KSR2: variants seen among roughly 807,000 people sequenced by gnomAD.
KSR2 encodes kinase suppressor of ras 2.
A neutral mutation model predicts 107.8 loss-of-function variants in KSR2; 25 were observed. That is an observed-to-expected ratio of 0.23 (90% CI 0.17 to 0.32). The LOEUF is 0.32. Among genes scored for constraint, KSR2 ranks in the 10% least tolerant of loss-of-function variants. KSR2 has a pLI of 1.00. For synonymous variants in KSR2, 480 were observed against 507.0 expected (o/e 0.95, Z 0.71); for missense variants, 887 against 1,268.9 (o/e 0.70, Z 4.57).
intron 4 of KSR2, among the ~76,000 whole-genome samples, chr12:117,748,916 G>A (rs1278580755): frequency 2.6e-5 from 4 of 151,810 alleles, no homozygotes; most frequent in South Asian, 2.1e-4. Flanking sequence ...AGGGTGTTAC[G>A]GGGAATGCCT....
chr12:117,759,212 C>T (rs1055462782), intron 4 of KSR2, among the ~76,000 whole-genome samples: 4 of 152,196 alleles, frequency 2.6e-5, no homozygotes, highest in African/African-American at 9.7e-5. Flanking sequence ...CTCTACACTA[C>T]GGCTTCAGAC....
At position 117,461,625 on chromosome 12, in the gene KSR2, TAGTC is replaced by T. The variant is rs1456543084; in HGVS notation, c.*5570_*5573del. The T allele has an allele frequency of 6.8e-5, 12 of 177,484 alleles. No homozygotes were observed. Among genetic ancestry groups the T allele is most frequent in the South Asian group, 1.5e-4 (1 of 6,582 alleles). The allele number at this position is 177,484 out of a possible 1,614,324, so 11.0% of individuals were successfully genotyped here. On this transcript the variant is annotated 3_prime_UTR_variant, in exon 20 of 20. Coordinates refer to ENST00000339824, the MANE Select transcript of KSR2 (RefSeq NM_173598.6). ...GAGTCTGGGATTTGGGTTAATATCA[TAGTC>T]AGGCACTGACCAGAGAGGACAGAGG...
rs375582787 is a variant in KSR2 at position 117,908,040 on chromosome 12, G to T, written c.181-47609C>A. 6.6e-5 allele frequency among the ~76,000 whole-genome samples: 10 copies of T among 152,282 alleles called. No homozygotes were observed. In the South Asian group the frequency reaches 2.1e-3, roughly 32 times the overall value. ...ATAAGAAAAGGAAACATTTGAGGTG[G>T]TTATTTGCAAGAAGGTGATTGACAG... On this transcript the variant is annotated intron_variant, in intron 1 of 19. Coordinates refer to ENST00000339824, the MANE Select transcript of KSR2 (RefSeq NM_173598.6).
At chr12:117,494,964 A>G (rs973679300) in intron 14 of KSR2, among the ~76,000 whole-genome samples, 2 of 152,250 alleles carry the variant, frequency 1.3e-5, no homozygotes, top group African/African-American at 4.8e-5. Flanking sequence ...GGCAAAGGCC[A>G]TCTGGCTGGA....
intron 3 of KSR2, among the ~76,000 whole-genome samples, chr12:117,805,032 T>G (rs1890964770): frequency 6.6e-6 from 1 of 152,144 alleles, no homozygotes; most frequent in Non-Finnish European, 1.5e-5. Context: ...CCATCGCGGA[T>G]GGACTGAGGG....
intron 4 of KSR2, among the ~76,000 whole-genome samples, chr12:117,735,070 C>T (rs562323833): frequency 1.1e-4 from 16 of 152,266 alleles, no homozygotes; most frequent in Admixed American, 5.2e-4. Flanking sequence ...ACTGCTCCAC[C>T]GCAGCCTGGC....
At chr12:117,736,608 G>A (rs971587154) in intron 4 of KSR2, among the ~76,000 whole-genome samples, 2 of 152,068 alleles carry the variant, frequency 1.3e-5, no homozygotes, top group Non-Finnish European at 2.9e-5. Flanking sequence ...CCAAGAGTTC[G>A]AGTCCAGCCT....
chr12:117,862,320 A>G (rs1362550458), intron 1 of KSR2, among the ~76,000 whole-genome samples: 2 of 152,170 alleles, frequency 1.3e-5, no homozygotes, highest in Admixed American at 6.5e-5. Flanking sequence ...GTGGCATTTT[A>G]AAACACAGTC....
At chr12:117,901,411 T>G (rs1421762882) in intron 1 of KSR2, among the ~76,000 whole-genome samples, 2 of 151,958 alleles carry the variant, frequency 1.3e-5, no homozygotes, top group African/African-American at 2.4e-5. Context: ...CAAGCAATTC[T>G]TGTGCCTCAG....
At chr12:117,809,198 C>A (rs148163238) in intron 3 of KSR2, among the ~76,000 whole-genome samples, 64 of 152,306 alleles carry the variant, frequency 4.2e-4, no homozygotes, top group African/African-American at 1.4e-3. Flanking sequence ...TAATACATCA[C>A]CAGAGGGGCT....
At chr12:117,646,058 C>T (rs1883621622) in intron 5 of KSR2, among the ~76,000 whole-genome samples, 1 of 152,116 alleles carries the variant, frequency 6.6e-6, no homozygotes, top group Admixed American at 6.5e-5. Context: ...TACTTTAAAT[C>T]ACCTCTACAT....
intron 4 of KSR2, among the ~76,000 whole-genome samples, chr12:117,692,650 C>A (rs1371134067): frequency 6.6e-6 from 1 of 151,056 alleles, no homozygotes; most frequent in African/African-American, 2.4e-5. Context: ...TGGAAACAAC[C>A]CAAATGTCCA....
At chr12:117,571,227 C>A (rs1202509544) in intron 7 of KSR2, among the ~76,000 whole-genome samples, 1 of 152,076 alleles carries the variant, frequency 6.6e-6, no homozygotes, top group Admixed American at 6.5e-5. Flanking sequence ...CTCTGTACTC[C>A]ATCCTGGGCA....
intron 4 of KSR2, among the ~76,000 whole-genome samples, chr12:117,728,791 T>C (rs891058544): frequency 3.3e-5 from 5 of 152,198 alleles, no homozygotes; most frequent in African/African-American, 9.7e-5. Context: ...AAGTCCTCTA[T>C]GCTGTCCTTA....
intron 3 of KSR2, among the ~76,000 whole-genome samples, chr12:117,804,616 T>C (rs1021688025): frequency 6.6e-6 from 1 of 152,174 alleles, no homozygotes. Context: ...ATCATCTTTA[T>C]CTCCTTGAGA....
At chr12:117,793,439 GCACA>G (rs1315265624) in intron 3 of KSR2, among the ~76,000 whole-genome samples, 1 of 135,540 alleles carries the variant, frequency 7.4e-6, no homozygotes, top group East Asian at 2.4e-4. Flanking sequence ...ACACCAACAT[GCACA>G]CTCAAACCAA....
At chr12:117,597,991 CT>C (rs1469465336) in intron 5 of KSR2, among the ~76,000 whole-genome samples, 1 of 151,982 alleles carries the variant, frequency 6.6e-6, no homozygotes, top group African/African-American at 2.4e-5. Context: ...GGGAATTTCT[CT>C]TTTTTTATTT....
chr12:117,535,502 A>G (rs1875979538), intron 10 of KSR2, among the ~76,000 whole-genome samples: 1 of 152,178 alleles, frequency 6.6e-6, no homozygotes, highest in African/African-American at 2.4e-5. Flanking sequence ...ATGAGCCCAC[A>G]TGGCCCAAGT....
chr12:117,499,675 A>G (rs1359363537), intron 14 of KSR2, among the ~76,000 whole-genome samples: 4 of 152,254 alleles, frequency 2.6e-5, no homozygotes, highest in African/African-American at 9.6e-5. Flanking sequence ...TGGGCACACA[A>G]CAAATGCTTG....
Sources: gnomAD v4.1 joint callset for allele counts (sites outside exome capture counted in the v4.1 genomes callset) on GRCh38, gnomAD v4.1.1 for gene constraint, MANE v1.5 for transcripts, NCBI Gene and HGNC (gene_info 2026-07-23, HGNC 2026-07-21) for gene names.